SCAPER: variants seen among roughly 807,000 people sequenced by gnomAD.
SCAPER encodes the protein S-phase cyclin A associated protein in the ER.
In SCAPER, 98 loss-of-function variants were observed where a neutral mutation model predicts 182.2. The observed-to-expected ratio is 0.54, with a 90% CI of 0.46 to 0.64. SCAPER has a LOEUF of 0.64. Ranked by LOEUF, SCAPER falls within the 30% of genes least tolerant of loss-of-function variation. The probability of loss-of-function intolerance (pLI) is 0.00; values close to 1 mark genes in which losing one functional copy is unlikely to be tolerated. For missense variants in SCAPER, 1,432 were observed against 1,690.0 expected (o/e 0.85, Z 2.68); for synonymous variants, 605 against 564.6 (o/e 1.07, Z -1.01).
chr15:76,708,018 CA>C (rs1442529155), intron 17 of SCAPER, among the ~76,000 whole-genome samples: 2 of 152,020 alleles, frequency 1.3e-5, no homozygotes, highest in African/African-American at 4.8e-5. Context: ...AGAACTATTA[CA>C]AAATATAGTT....
At chr15:76,795,180 T>C (rs1171495445) in intron 8 of SCAPER, 100 bp downstream of exon 8, 8 of 1,071,792 alleles carry the variant, frequency 7.5e-6, no homozygotes, top group Non-Finnish European at 1.1e-5. Context: ...ATATTACGTA[T>C]GTTGTACAAA....
At chr15:76,630,777 T>C (rs942562731) in intron 21 of SCAPER, among the ~76,000 whole-genome samples, 17 of 152,206 alleles carry the variant, frequency 1.1e-4, no homozygotes, top group African/African-American at 3.9e-4. Context: ...TTCTGTTGTT[T>C]TGGGGTAGAG....
intron 24 of SCAPER, among the ~76,000 whole-genome samples, chr15:76,495,614 C>T (rs1051407963): frequency 9.1e-5 from 13 of 142,710 alleles, no homozygotes; most frequent in Non-Finnish European, 1.7e-4. Flanking sequence ...GAGAGAGAGA[C>T]GATGCAATGC....
chr15:76,767,552 T>G (rs997878774), intron 10 of SCAPER, among the ~76,000 whole-genome samples: 5 of 151,978 alleles, frequency 3.3e-5, no homozygotes, highest in Non-Finnish European at 4.4e-5. Context: ...GCACTGCAAA[T>G]AATAAAAATA....
At chr15:76,521,473 A>G (rs1297030986) in intron 23 of SCAPER, among the ~76,000 whole-genome samples, 1 of 152,102 alleles carries the variant, frequency 6.6e-6, no homozygotes, top group Non-Finnish European at 1.5e-5. Context: ...TCTGGAGGCC[A>G]GGAGTTCGAG....
At chr15:76,879,824 C>A (rs1568395920) in intron 2 of SCAPER, among the ~76,000 whole-genome samples, 1 of 152,056 alleles carries the variant, frequency 6.6e-6, no homozygotes, top group Non-Finnish European at 1.5e-5. Flanking sequence ...TATACTCAAA[C>A]CAACTTGTAC....
rs143028765 is a variant in SCAPER, at chr15:76,605,601, G to C, written c.2711+16163C>G. ...TGCAGTAGTTTCAGAAGGAATGGTA[G>C]CAGCTCCTCTTTGTACCTCTGGTAG... On this transcript the variant is annotated intron_variant, in intron 22 of 31. Coordinates refer to ENST00000563290, the MANE Select transcript of SCAPER (RefSeq NM_020843.4). Among the ~76,000 whole-genome samples, 952 of 152,216 alleles carry C rather than the reference G, an allele frequency of 6.3e-3. 7 individuals carry two copies. The highest frequency in any genetic ancestry group is 0.022 in the African/African-American group (896 of 41,552).
intron 24 of SCAPER, among the ~76,000 whole-genome samples, chr15:76,481,154 C>A (rs941167377): frequency 6.6e-6 from 1 of 152,116 alleles, no homozygotes; most frequent in African/African-American, 2.4e-5. Context: ...TTGGACCCAA[C>A]AGAGAGAACT....
chr15:76,559,413 G>C (rs1000312634), intron 23 of SCAPER, among the ~76,000 whole-genome samples: 1 of 151,822 alleles, frequency 6.6e-6, no homozygotes, highest in Non-Finnish European at 1.5e-5. Context: ...TCTCCTTCCT[G>C]TCGCCTTGTA....
intron 26 of SCAPER, among the ~76,000 whole-genome samples, chr15:76,420,524 C>A (rs945290612): frequency 6.6e-6 from 1 of 152,068 alleles, no homozygotes; most frequent in South Asian, 2.1e-4. Context: ...GAAAAAGAAT[C>A]AAAAGAGCAA....
intron 17 of SCAPER, among the ~76,000 whole-genome samples, chr15:76,720,378 A>G (rs1273176938): frequency 1.3e-5 from 2 of 152,062 alleles, no homozygotes; most frequent in African/African-American, 2.4e-5. Context: ...GGATAGTGCC[A>G]CAATAAACAT....
intron 8 of SCAPER, among the ~76,000 whole-genome samples, chr15:76,788,189 G>A (rs1283240624): frequency 6.6e-6 from 1 of 152,200 alleles, no homozygotes; most frequent in African/African-American, 2.4e-5. Context: ...CGGCCGTGGA[G>A]AATGTGGGGT....
At chr15:76,559,405 T>C (rs1214499511) in intron 23 of SCAPER, among the ~76,000 whole-genome samples, 1 of 151,938 alleles carries the variant, frequency 6.6e-6, no homozygotes, top group Non-Finnish European at 1.5e-5. Context: ...TCAGCACTTC[T>C]CCTTCCTGTC....
intron 14 of SCAPER, among the ~76,000 whole-genome samples, chr15:76,764,201 C>T (rs111679920): frequency 0.01 from 1,595 of 152,262 alleles, 26 homozygotes; most frequent in African/African-American, 0.037. Flanking sequence ...TGCCAAAGTG[C>T]GGGGAAGTAC....
In SCAPER at chr15:76,348,554, T is replaced by C. The variant is rs1294088188; in HGVS notation, c.*79A>G. The C allele has an allele frequency of 6.0e-6, 6 of 997,886 alleles. No homozygotes were observed. The Admixed American group carries it at 1.6e-4, about 26-fold the overall frequency. 61.8% of individuals were successfully genotyped at this position (997,886 alleles called of 1,614,324 possible). A position where few individuals can be genotyped will look rare whatever the true frequency, so the allele number is the denominator to read the frequency against. On this transcript the variant is annotated 3_prime_UTR_variant, in exon 32 of 32. Transcript: ENST00000563290. ...AGTATAAACATGGGAAAATGAGTTC[T>C]TAAGGAACAATTAGAATGTTTGTTT...
At chr15:76,626,822 G>T (rs1235415424) in intron 21 of SCAPER, among the ~76,000 whole-genome samples, 1 of 152,152 alleles carries the variant, frequency 6.6e-6, no homozygotes, top group East Asian at 1.9e-4. Flanking sequence ...GAATGTGTAC[G>T]CTCTTAAAAG....
At chr15:76,888,694 C>T (rs941401278) in intron 1 of SCAPER, among the ~76,000 whole-genome samples, 13 of 152,162 alleles carry the variant, frequency 8.5e-5, no homozygotes, top group African/African-American at 2.2e-4. Flanking sequence ...ACCAAATCTA[C>T]GTCTGACTGG....
intron 15 of SCAPER, among the ~76,000 whole-genome samples, chr15:76,734,467 T>G (rs142427277): frequency 6.6e-6 from 1 of 152,300 alleles, no homozygotes; most frequent in Non-Finnish European, 1.5e-5. Flanking sequence ...CTCAGAAAAG[T>G]TTGAATACAG....
chr15:76,882,918 C>G (rs975811355), intron 2 of SCAPER, among the ~76,000 whole-genome samples: 1 of 152,152 alleles, frequency 6.6e-6, no homozygotes, highest in African/African-American at 2.4e-5. Context: ...CCCGTCTAGG[C>G]CTCCCAAAGT....
Sources: allele counts gnomAD v4.1 joint callset (sites outside exome capture counted in the v4.1 genomes callset), GRCh38; gene constraint gnomAD v4.1.1; transcripts MANE v1.5; gene names NCBI Gene and HGNC (gene_info 2026-07-23, HGNC 2026-07-21).